Variants in FOXN3 observed in about 807,000 individuals in gnomAD.
FOXN3 encodes the protein forkhead box N3, also known as forkhead box protein N3.
In FOXN3, 7 loss-of-function variants were observed where a neutral mutation model predicts 38.4. The observed-to-expected ratio is 0.18, with a 90% CI of 0.10 to 0.34. FOXN3 has a LOEUF of 0.34. Ranked by LOEUF, FOXN3 falls within the 10% of genes least tolerant of loss-of-function variation. The probability of loss-of-function intolerance (pLI) is 1.00; values close to 1 mark genes in which losing one functional copy is unlikely to be tolerated. For synonymous variants in FOXN3, 230 were observed against 242.2 expected (o/e 0.95, Z 0.47); for missense variants, 456 against 613.4 (o/e 0.74, Z 2.71).
At chr14:89,324,626 GT>G (rs1394203217) in intron 3 of FOXN3, among the ~76,000 whole-genome samples, 2 of 152,090 alleles carry the variant, frequency 1.3e-5, no homozygotes, top group African/African-American at 4.8e-5. Context: ...ACAAAACAGC[GT>G]TTCATCCTAA....
Position 89,161,594 on chromosome 14 carries a change from TGTGC to T in FOXN3, c.*816_*819del, listed in dbSNP as rs1555407814. The T allele has an allele frequency of 2.4e-3, 327 of 138,218 alleles. 2 individuals carry two copies. The highest frequency in any genetic ancestry group is 0.014 in the South Asian group (56 of 4,056). The allele number at this position is 138,218 out of a possible 1,614,324, so 8.6% of individuals were successfully genotyped here. Reference sequence around the variant, plus strand: ...GTGTGTGTGTGTGTGTGTGTGTGTGTGTGCGTGCGTGCACAGGGCCAATCTTCAG... The same window carrying T: ...GTGTGTGTGTGTGTGTGTGTGTGTGTGTGCGTGCACAGGGCCAATCTTCAG... On this transcript the variant is annotated 3_prime_UTR_variant, in exon 6 of 6. Coordinates refer to ENST00000557258, the MANE Select transcript of FOXN3 (RefSeq NM_005197.4).
At chr14:89,356,321 C>A (rs1442958482) in intron 2 of FOXN3, 3 of 151,996 alleles carry the variant, frequency 2.0e-5, no homozygotes, top group Non-Finnish European at 4.4e-5. Context: ...CACTTGAACC[C>A]TGGAGGCGGA....
chr14:89,225,292 G>A (rs889038629), intron 4 of FOXN3, among the ~76,000 whole-genome samples: 1 of 150,974 alleles, frequency 6.6e-6, no homozygotes, highest in Admixed American at 6.6e-5. Context: ...GTGACAGAGT[G>A]AGACTGTCTC....
chr14:89,368,049 C>T (rs1231098984), intron 2 of FOXN3, among the ~76,000 whole-genome samples: 1 of 152,154 alleles, frequency 6.6e-6, no homozygotes, highest in Non-Finnish European at 1.5e-5. Flanking sequence ...GAATCCCAGG[C>T]CGGGCACAGT....
At chr14:89,592,316 G>C (rs1895973658) in intron 1 of FOXN3, among the ~76,000 whole-genome samples, 1 of 152,052 alleles carries the variant, frequency 6.6e-6, no homozygotes, top group Non-Finnish European at 1.5e-5. Context: ...ACAAAAACAA[G>C]CAAATAAGCA....
intron 1 of FOXN3, among the ~76,000 whole-genome samples, chr14:89,479,660 A>G (rs1893283716): frequency 6.6e-6 from 1 of 152,240 alleles, no homozygotes. Context: ...CAAGTGGGAT[A>G]GCACAAATAC....
At chr14:89,543,778 C>T (rs915327810) in intron 1 of FOXN3, among the ~76,000 whole-genome samples, 2 of 152,150 alleles carry the variant, frequency 1.3e-5, no homozygotes, top group Admixed American at 1.3e-4. Context: ...ATCCCAACAC[C>T]CAACTAAAGA....
intron 1 of FOXN3, among the ~76,000 whole-genome samples, chr14:89,611,743 T>C (rs1566718062): frequency 1.3e-5 from 2 of 150,076 alleles, no homozygotes; most frequent in Non-Finnish European, 3.0e-5. Context: ...GAGGCGGAGC[T>C]TGCAGTGAGC....
intron 1 of FOXN3, among the ~76,000 whole-genome samples, chr14:89,473,407 A>C (rs1893148210): frequency 1.3e-5 from 2 of 150,478 alleles, no homozygotes. Flanking sequence ...CCTTTTGCTC[A>C]AGCTGGAGTG....
chr14:89,176,730 A>T (rs902631202), intron 5 of FOXN3, among the ~76,000 whole-genome samples: 1 of 152,194 alleles, frequency 6.6e-6, no homozygotes, highest in Non-Finnish European at 1.5e-5. Context: ...TTCCCCAAGC[A>T]CTTCTTAATG....
At chr14:89,495,187 G>A (rs243229) in intron 1 of FOXN3, among the ~76,000 whole-genome samples, 60,145 of 152,008 alleles carry the variant, frequency 0.4, 14,009 homozygotes, top group Non-Finnish European at 0.52. Context: ...AAATGGCCAC[G>A]TTTTAGATTT....
At chr14:89,555,571 A>AT (rs1297624985) in intron 1 of FOXN3, among the ~76,000 whole-genome samples, 2 of 152,072 alleles carry the variant, frequency 1.3e-5, no homozygotes, top group African/African-American at 2.4e-5. Context: ...ATCTTAGGTG[A>AT]TTTTCTAGTA....
chr14:89,239,142 C>A (rs1229357612), intron 4 of FOXN3, among the ~76,000 whole-genome samples: 1 of 152,170 alleles, frequency 6.6e-6, no homozygotes, highest in Non-Finnish European at 1.5e-5. Context: ...CAGCAAGGAG[C>A]AGAGAGTGTT....
chr14:89,394,572 T>C (rs1013423429), intron 2 of FOXN3, among the ~76,000 whole-genome samples: 1 of 152,158 alleles, frequency 6.6e-6, no homozygotes, highest in African/African-American at 2.4e-5. Context: ...AGTAAAGCTT[T>C]TTGATAAAGA....
intron 3 of FOXN3, chr14:89,333,140 C>G (rs1400202510): frequency 6.3e-6 from 1 of 157,548 alleles, no homozygotes; most frequent in Admixed American, 6.5e-5. Flanking sequence ...TAATTTGGTT[C>G]AGCACCAGGC....
At chr14:89,523,259 T>C (rs914977078) in intron 1 of FOXN3, among the ~76,000 whole-genome samples, 1 of 152,122 alleles carries the variant, frequency 6.6e-6, no homozygotes, top group African/African-American at 2.4e-5. Flanking sequence ...AATCGATAAT[T>C]ATAGACTGAG....
chr14:89,236,745 G>C (rs779117922), intron 4 of FOXN3, among the ~76,000 whole-genome samples: 1 of 152,236 alleles, frequency 6.6e-6, no homozygotes, highest in Non-Finnish European at 1.5e-5. Context: ...AAATGCTCTA[G>C]CTGTGGGGAC....
chr14:89,489,917 T>C (rs765695376), intron 1 of FOXN3, among the ~76,000 whole-genome samples: 5 of 152,176 alleles, frequency 3.3e-5, no homozygotes, highest in African/African-American at 4.8e-5. Flanking sequence ...CTATGTCAGC[T>C]TGGAGGGCTG....
Position 89,196,732 on chromosome 14 carries a change from A to G in FOXN3, c.746-15926T>C, listed in dbSNP as rs150616899. 4.3e-4 allele frequency among the ~76,000 whole-genome samples: 66 copies of G among 152,268 alleles called. 1 individual carries two copies. The East Asian group carries it at 0.012, about 27-fold the overall frequency. On this transcript the variant is annotated intron_variant, in intron 4 of 5. Transcript: ENST00000557258. ...TGCCAGGTCTGTTTCACAGCAATCC[A>G]TCAAGCCTGGTGTGGGTATTCTGTG...
Sources: gnomAD v4.1 joint callset for allele counts (sites outside exome capture counted in the v4.1 genomes callset) on GRCh38, gnomAD v4.1.1 for gene constraint, MANE v1.5 for transcripts, NCBI Gene and HGNC (gene_info 2026-07-23, HGNC 2026-07-21) for gene names.